GOLM1: variants seen among roughly 807,000 people sequenced by gnomAD.
GOLM1 encodes the protein epididymis luminal protein 46.
Under a neutral mutation model 50.5 loss-of-function variants are expected in GOLM1, and 31 were observed. That is an observed-to-expected ratio of 0.61 (90% CI 0.46 to 0.83). The LOEUF (loss-of-function observed/expected upper bound fraction) is 0.83. GOLM1 is among the 40% of genes least tolerant of loss of function. The probability of loss-of-function intolerance (pLI) is 0.00; values close to 1 mark genes in which losing one functional copy is unlikely to be tolerated. For missense variants in GOLM1, 491 were observed against 501.3 expected (o/e 0.98, Z 0.20); for synonymous variants, 178 against 192.8 (o/e 0.92, Z 0.64).
At chr9:86,043,732 G>A (rs940872252) in intron 5 of GOLM1, among the ~76,000 whole-genome samples, 1 of 152,170 alleles carries the variant, frequency 6.6e-6, no homozygotes, top group Admixed American at 6.5e-5. Context: ...AGGAGCAAAA[G>A]GAGTGCATCC....
chr9:86,058,449 C>A (rs1181898011), intron 3 of GOLM1, among the ~76,000 whole-genome samples: 2 of 152,160 alleles, frequency 1.3e-5, no homozygotes, highest in African/African-American at 2.4e-5. Flanking sequence ...TGGCTCATGC[C>A]TGTAATCCCA....
At position 86,031,686 on chromosome 9, in the gene GOLM1, T is replaced by G. The variant is rs867026487; in HGVS notation, c.1129+1596A>C. ...CATGTTAGTTAGGCTGGTCTCAAACTCCTGACCTCAGGTGATCCACCATCC... is the reference window on the plus strand; with the variant it reads ...CATGTTAGTTAGGCTGGTCTCAAACGCCTGACCTCAGGTGATCCACCATCC... On this transcript the variant is annotated intron_variant, in intron 9 of 9. Coordinates refer to ENST00000388712, the MANE Select transcript of GOLM1 (RefSeq NM_016548.4). Among the ~76,000 whole-genome samples the G allele has an allele frequency of 3.3e-5, 5 of 151,762 alleles. No individual in the cohort carries two copies. The Middle Eastern group carries it at 0.014, about 413-fold the overall frequency.
intron 3 of GOLM1, among the ~76,000 whole-genome samples, chr9:86,070,062 T>G (rs574675867): frequency 2.0e-5 from 3 of 152,010 alleles, no homozygotes; most frequent in African/African-American, 7.2e-5. Context: ...TTTTTGTATT[T>G]TTGGTAGAGA....
At chr9:86,030,231 A>C (rs1469577942) in intron 9 of GOLM1, among the ~76,000 whole-genome samples, 1 of 151,536 alleles carries the variant, frequency 6.6e-6, no homozygotes, top group Non-Finnish European at 1.5e-5. Flanking sequence ...AAAAAAAAAA[A>C]AAAAAAAAAA....
At chr9:86,059,317 A>G (rs995964003) in intron 3 of GOLM1, among the ~76,000 whole-genome samples, 2 of 152,250 alleles carry the variant, frequency 1.3e-5, no homozygotes, top group Non-Finnish European at 2.9e-5. Context: ...AGGCGAACAG[A>G]TAAAGCAAAC....
chr9:86,044,101 A>G (rs923375878), intron 5 of GOLM1, among the ~76,000 whole-genome samples: 23 of 152,218 alleles, frequency 1.5e-4, no homozygotes, highest in Non-Finnish European at 2.5e-4. Flanking sequence ...CTTGTGGATT[A>G]TAGGATGTTT....
At chr9:86,035,122 C>G (rs934104906) in intron 8 of GOLM1, 1 of 985,360 alleles carries the variant, frequency 1.0e-6, no homozygotes, top group Non-Finnish European at 1.2e-6. Flanking sequence ...CATCCACTTG[C>G]AAGGTCCCCT....
chr9:86,060,969 TTGACA>T (rs1249349733), intron 3 of GOLM1, among the ~76,000 whole-genome samples: 2 of 146,860 alleles, frequency 1.4e-5, no homozygotes, highest in Non-Finnish European at 3.0e-5. Context: ...CACTGAATAC[TTGACA>T]TGAGGAATTC....
intron 3 of GOLM1, among the ~76,000 whole-genome samples, chr9:86,064,546 G>A (rs1834251416): frequency 6.6e-6 from 1 of 152,168 alleles, no homozygotes; most frequent in Non-Finnish European, 1.5e-5. Context: ...TCTCTGCCCT[G>A]CTCCCCACCC....
chr9:86,055,923 G>A (rs1015446981), intron 3 of GOLM1, among the ~76,000 whole-genome samples: 8 of 152,016 alleles, frequency 5.3e-5, no homozygotes, highest in African/African-American at 1.9e-4. Context: ...ACCTTGCATC[G>A]GTGTGAAAAC....
intron 3 of GOLM1, among the ~76,000 whole-genome samples, chr9:86,073,571 C>CCCA (rs1834518917): frequency 6.6e-6 from 1 of 151,904 alleles, no homozygotes; most frequent in Non-Finnish European, 1.5e-5. Context: ...TTTCATCTTC[C>CCCA]ATTGCCCAAT....
intron 3 of GOLM1, among the ~76,000 whole-genome samples, chr9:86,064,014 A>G (rs1834237505): frequency 6.6e-6 from 1 of 152,156 alleles, no homozygotes; most frequent in African/African-American, 2.4e-5. Context: ...TCCTGAATCA[A>G]ATAGGCATCT....
chr9:86,053,978 T>A (rs551651690), intron 3 of GOLM1, among the ~76,000 whole-genome samples: 1 of 152,142 alleles, frequency 6.6e-6, no homozygotes, highest in Admixed American at 6.5e-5. Context: ...GGGAATGCAG[T>A]GGCCATTCCA....
At chr9:86,094,985 A>T (rs1835310182) in intron 1 of GOLM1, among the ~76,000 whole-genome samples, 1 of 151,796 alleles carries the variant, frequency 6.6e-6, no homozygotes, top group Admixed American at 6.6e-5. Flanking sequence ...TGGGAGGCTG[A>T]CGCAGGAGAA....
chr9:86,081,154 C>G (rs565428896), intron 1 of GOLM1, among the ~76,000 whole-genome samples: 3 of 151,400 alleles, frequency 2.0e-5, no homozygotes, highest in Non-Finnish European at 4.4e-5. Context: ...CCTCAAAGTA[C>G]TGGGATTACA....
intron 1 of GOLM1, among the ~76,000 whole-genome samples, chr9:86,098,038 C>T (rs1185457727): frequency 2.0e-5 from 3 of 152,110 alleles, no homozygotes; most frequent in Non-Finnish European, 4.4e-5. Context: ...CACTACTTTC[C>T]TCTCATTTCT....
At chr9:86,093,708 C>A (rs1835258674) in intron 1 of GOLM1, among the ~76,000 whole-genome samples, 1 of 152,068 alleles carries the variant, frequency 6.6e-6, no homozygotes. Context: ...TTTAACAAAG[C>A]CTTCTAATTA....
chr9:86,079,150 CATAAACATAAA>C, intron 2 of GOLM1, 31 bp downstream of exon 2: 3 of 1,469,070 alleles, frequency 2.0e-6, no homozygotes, highest in Middle Eastern at 1.8e-4. Flanking sequence ...ATAAACAAAA[CATAAACATAAA>C]ATAAACATAA....
At chr9:86,100,045 A>T (rs1319069114), upstream of GOLM1, 1 of 152,226 alleles carries the variant, frequency 6.6e-6, no homozygotes, top group Non-Finnish European at 1.5e-5. Context: ...TTTTTCTCCC[A>T]CGAGGCATTC....
Sources: allele counts gnomAD v4.1 joint callset (sites outside exome capture counted in the v4.1 genomes callset), GRCh38; gene constraint gnomAD v4.1.1; transcripts MANE v1.5; gene names NCBI Gene and HGNC (gene_info 2026-07-23, HGNC 2026-07-21).